PPP6R3: variants seen among roughly 807,000 people sequenced by gnomAD.
The protein encoded by PPP6R3 is protein phosphatase 6 regulatory subunit 3.
PPP6R3 carries 38 observed loss-of-function variants against 110.7 expected under a neutral mutation model. That is an observed-to-expected ratio of 0.34 (90% CI 0.26 to 0.45). PPP6R3 has a LOEUF of 0.45. Ranked by LOEUF, PPP6R3 falls within the 20% of genes least tolerant of loss-of-function variation. The pLI is 1.00. For missense variants in PPP6R3, 870 were observed against 1,062.4 expected (o/e 0.82, Z 2.52); for synonymous variants, 369 against 373.5 (o/e 0.99, Z 0.14).
chr11:68,587,757 T>G (rs1255402746), intron 15 of PPP6R3, 170 bp from the exon 16 acceptor site: 1 of 703,856 alleles, frequency 1.4e-6, no homozygotes, highest in South Asian at 1.6e-5. Context: ...CGTTTCCTTT[T>G]TTGGCAAATT....
rs2099592930 is a variant in PPP6R3, at chr11:68,590,842, C to T, written c.1785+128C>T. The stretch of plus-strand genomic sequence containing the variant: ...CCTAATCCTAAATTGGTGTTACATA[C>T]TTCACTCTGTCCCACGGCCTACCTG... On this transcript the variant is annotated intron_variant, in intron 17 of 23. Coordinates refer to ENST00000393800, the MANE Select transcript of PPP6R3 (RefSeq NM_001164161.2). 8 of 1,134,234 alleles carry T rather than the reference C, an allele frequency of 7.1e-6. No homozygotes were observed. The East Asian group carries it at 2.3e-4, about 32-fold the overall frequency. The allele number at this position is 1,134,234 out of a possible 1,614,324, so 70.3% of individuals were successfully genotyped here.
chr11:68,544,964 A>G lies in PPP6R3; in HGVS notation c.354A>G (p.Pro118=), dbSNP rs1364403456. 6.2e-7 allele frequency: 1 copy of G among 1,609,056 alleles called. No individual in the cohort carries two copies. The highest frequency in any genetic ancestry group is 1.3e-5 in the African/African-American group (1 of 74,912). ...TCCTAAACGATTCCCCTTTGAATCC[A>G]CTACTTGCCAGTTTCTTCAGCAAGG... ...SFLLNDSPLN[P]LLASFFSKVL... The change falls in exon 4 of 24, where the codon CCA becomes CCG. Residue 118 remains proline, a synonymous_variant. Coordinates refer to ENST00000393800, the MANE Select transcript of PPP6R3 (RefSeq NM_001164161.2).
At chr11:68,503,957 A>G (rs1439951060) in intron 1 of PPP6R3, among the ~76,000 whole-genome samples, 2 of 152,228 alleles carry the variant, frequency 1.3e-5, no homozygotes, top group East Asian at 3.9e-4. Flanking sequence ...TTCACACATC[A>G]CTGGGGGAAT....
At chr11:68,480,903 G>C (rs1033150280) in intron 1 of PPP6R3, among the ~76,000 whole-genome samples, 2 of 152,094 alleles carry the variant, frequency 1.3e-5, no homozygotes, top group South Asian at 2.1e-4. Flanking sequence ...ACATTAGGTA[G>C]CTCATTTTTT....
chr11:68,520,835 G>A (rs767887194), intron 2 of PPP6R3, among the ~76,000 whole-genome samples: 5 of 152,082 alleles, frequency 3.3e-5, no homozygotes, highest in African/African-American at 7.2e-5. Context: ...GTAGTGGTGC[G>A]ATCTCGGCTG....
At chr11:68,543,954 G>A (rs142294055) in intron 3 of PPP6R3, among the ~76,000 whole-genome samples, 1 of 152,332 alleles carries the variant, frequency 6.6e-6, no homozygotes, top group African/African-American at 2.4e-5. Flanking sequence ...AGAAGAGCCT[G>A]TGTGGGTCCA....
In PPP6R3 at chr11:68,598,486, G is replaced by C. The variant is rs147538332; in HGVS notation, c.2039-1855G>C. Among the ~76,000 whole-genome samples, 86 of 152,280 alleles carry C rather than the reference G, an allele frequency of 5.6e-4. 1 individual carries two copies. Among genetic ancestry groups the C allele is most frequent in the African/African-American group, 1.9e-3 (81 of 41,558 alleles). On this transcript the variant is annotated intron_variant, in intron 19 of 23. Coordinates refer to ENST00000393800, the MANE Select transcript of PPP6R3 (RefSeq NM_001164161.2). ...AGTGTGGCAGGGAACCAGGCCTCCT[G>C]CTTCTCTGTTCCTTGGGAAAGACAG...
intron 2 of PPP6R3, among the ~76,000 whole-genome samples, chr11:68,523,747 T>C (rs1236796701): frequency 8.2e-6 from 1 of 122,640 alleles, no homozygotes; most frequent in Admixed American, 1.0e-4. Context: ...GGCCAAGAGG[T>C]GGGTGATAGA....
Position 68,590,673 on chromosome 11 carries a change from C to G in PPP6R3, c.1744C>G (p.Arg582Gly), listed in dbSNP as rs189866203. The G allele has an allele frequency of 6.3e-7, 1 of 1,585,994 alleles. No homozygotes were observed. Among genetic ancestry groups the G allele is most frequent in the East Asian group, 2.2e-5 (1 of 44,564 alleles). Reference sequence around the variant, plus strand: ...GTTTTTTTACAGTGTTTCTTTTGATCGAGTATCAGACATCAACTTTACTCT... The same window carrying G: ...GTTTTTTTACAGTGTTTCTTTTGATGGAGTATCAGACATCAACTTTACTCT... ...QDDIGNVSFD[R>G]VSDINFTLNT... Residue 582 changes from arginine (R) to glycine (G), a missense_variant, in exon 17 of 24, where the codon CGA becomes GGA. Arg to Gly is a moderately radical substitution (Grantham distance 125). Transcript: ENST00000393800.
chr11:68,539,907 G>T (rs2153654950), intron 3 of PPP6R3, among the ~76,000 whole-genome samples: 1 of 152,334 alleles, frequency 6.6e-6, no homozygotes, highest in South Asian at 2.1e-4. Flanking sequence ...GAATTAAGGG[G>T]GTTGCCAGGT....
chr11:68,472,035 ATG>A (rs2098795658), intron 1 of PPP6R3, among the ~76,000 whole-genome samples: 3 of 152,038 alleles, frequency 2.0e-5, no homozygotes, highest in African/African-American at 4.8e-5. Flanking sequence ...GAAAGTAAGA[ATG>A]TGTGTGAATG....
chr11:68,579,589 C>T (rs1284210009), intron 14 of PPP6R3, among the ~76,000 whole-genome samples: 2 of 152,116 alleles, frequency 1.3e-5, no homozygotes, highest in Admixed American at 1.3e-4. Flanking sequence ...CAGTACTAGA[C>T]AAGATTGGCA....
At chr11:68,522,748 T>C (rs56824322) in intron 2 of PPP6R3, 32 of 152,360 alleles carry the variant, frequency 2.1e-4, no homozygotes, top group African/African-American at 7.5e-4. Context: ...ACTAAGCCCT[T>C]TTCTGTTCTA....
chr11:68,486,236 G>A (rs963862961), intron 1 of PPP6R3, among the ~76,000 whole-genome samples: 1 of 151,980 alleles, frequency 6.6e-6, no homozygotes, highest in Non-Finnish European at 1.5e-5. Flanking sequence ...ATACTGATTT[G>A]TACTTGCCTT....
rs1205914102 is a variant in PPP6R3 at position 68,564,329 on chromosome 11, C to T, written c.872C>T (p.Pro291Leu). The change falls in exon 9 of 24, where the codon CCA (proline) becomes CTA (leucine). Residue 291 changes from proline (P) to leucine (L), a missense_variant. Pro to Leu is a moderately conservative substitution (Grantham distance 98). Coordinates refer to ENST00000393800, the MANE Select transcript of PPP6R3 (RefSeq NM_001164161.2). ...TTTGAAGGCCATATAGAGATCTGCC[C>T]ACCAGGCATGAGCCATTCAGCTTGT... is the stretch of plus-strand genomic sequence containing the variant. ...PTFEGHIEIC[P>L]PGMSHSACSV... 1.2e-6 allele frequency: 2 copies of T among 1,612,564 alleles called. No homozygotes were observed. Among genetic ancestry groups the T allele is most frequent in the Admixed American group, 1.7e-5 (1 of 59,998 alleles).
At chr11:68,465,522 G>A (rs2098739610) in intron 1 of PPP6R3, among the ~76,000 whole-genome samples, 1 of 152,214 alleles carries the variant, frequency 6.6e-6, no homozygotes, top group African/African-American at 2.4e-5. Flanking sequence ...AGTTACAAAA[G>A]GTCATGGAGG....
At chr11:68,540,820 G>T (rs148952381) in intron 3 of PPP6R3, among the ~76,000 whole-genome samples, 1 of 152,146 alleles carries the variant, frequency 6.6e-6, no homozygotes, top group African/African-American at 2.4e-5. Context: ...GCTCTGTTCC[G>T]CCTGGCTCAC....
chr11:68,493,634 TATAA>T (rs1303239591), intron 1 of PPP6R3, among the ~76,000 whole-genome samples: 1,657 of 134,738 alleles, frequency 0.012, 34 homozygotes, highest in African/African-American at 0.042. Flanking sequence ...TATATATATA[TATAA>T]AATATATATA....
Position 68,537,769 on chromosome 11 carries a change from G to A in PPP6R3, c.105G>A (p.Gln35=), listed in dbSNP as rs994277944. ...TAATGGATGAGGAAGATGTTTTACA[G>A]GAATGTAAAGCTCAGAACCGCAAAC... ...KELMDEEDVL[Q]ECKAQNRKLI... The change falls in exon 3 of 24, where the codon CAG becomes CAA. Residue 35 remains glutamine (Q), a synonymous_variant. Transcript: ENST00000393800. The A allele has an allele frequency of 1.9e-6, 3 of 1,612,124 alleles. No individual in the cohort carries two copies. The highest frequency in any genetic ancestry group is 2.5e-6 in the Non-Finnish European group (3 of 1,178,202).
Sources: gnomAD v4.1 joint callset for allele counts (sites outside exome capture counted in the v4.1 genomes callset) on GRCh38, gnomAD v4.1.1 for gene constraint, MANE v1.5 for transcripts, NCBI Gene and HGNC (gene_info 2026-07-23, HGNC 2026-07-21) for gene names.